The following SYT16 variants were observed in gnomAD, a reference collection of about 807,000 sequenced individuals.
SYT16 encodes synaptotagmin-16.
Under a neutral mutation model 61.4 loss-of-function variants are expected in SYT16, and 42 were observed. The ratio of observed to expected loss-of-function variants is 0.68; its 90% CI spans 0.53 to 0.89. SYT16 has a LOEUF of 0.89. Ranked by LOEUF, SYT16 falls within the 40% of genes least tolerant of loss-of-function variation. The pLI, the probability that SYT16 is intolerant of heterozygous loss-of-function variation, is 0.00. For synonymous variants in SYT16, 314 were observed against 302.3 expected, an observed-to-expected ratio of 1.04 and a Z score of -0.40; for missense variants, 804 against 807.3, an observed-to-expected ratio of 1.00 and a Z score of 0.05.
At chr14:61,857,733 G>A (rs1260848112) in intron 1 of SYT16, among the ~76,000 whole-genome samples, 1 of 152,140 alleles carries the variant, frequency 6.6e-6, no homozygotes, top group Non-Finnish European at 1.5e-5. Context: ...AGGAGAGAAA[G>A]AATTGATGGA....
At chr14:61,819,851 C>T (rs1434045213) in intron 1 of SYT16, among the ~76,000 whole-genome samples, 1 of 152,222 alleles carries the variant, frequency 6.6e-6, no homozygotes, top group African/African-American at 2.4e-5. Flanking sequence ...TTCCCGGAGG[C>T]TTTGTCTTAT....
intron 1 of SYT16, among the ~76,000 whole-genome samples, chr14:61,846,014 G>T: frequency 6.6e-6 from 1 of 152,010 alleles, no homozygotes; most frequent in East Asian, 1.9e-4. Context: ...ATTCCATTGT[G>T]GTAAGAGAAG....
At chr14:61,986,437 T>A (rs891678704) in intron 2 of SYT16, among the ~76,000 whole-genome samples, 6 of 149,770 alleles carry the variant, frequency 4.0e-5, no homozygotes, top group Admixed American at 1.3e-4. Context: ...ATTTTTTATT[T>A]AAAAAATTTA....
At chr14:61,892,700 A>G (rs1412546141) in intron 1 of SYT16, among the ~76,000 whole-genome samples, 2 of 152,160 alleles carry the variant, frequency 1.3e-5, no homozygotes, top group African/African-American at 4.8e-5. Context: ...GGGTGGTGAC[A>G]TCCCTTTCTG....
chr14:62,089,725 T>C (rs1159076455), intron 7 of SYT16, among the ~76,000 whole-genome samples: 1 of 152,222 alleles, frequency 6.6e-6, no homozygotes, highest in Non-Finnish European at 1.5e-5. Flanking sequence ...TTCAAAACTA[T>C]TGTTGCTATT....
chr14:61,913,909 A>G (rs911027388), intron 1 of SYT16, among the ~76,000 whole-genome samples: 2 of 152,190 alleles, frequency 1.3e-5, no homozygotes, highest in African/African-American at 4.8e-5. Flanking sequence ...AAGGAAAATA[A>G]TGCACACACT....
At chr14:61,876,387 A>G (rs1039831179) in intron 1 of SYT16, among the ~76,000 whole-genome samples, 1 of 152,202 alleles carries the variant, frequency 6.6e-6, no homozygotes, top group Non-Finnish European at 1.5e-5. Flanking sequence ...AACCCTGACC[A>G]TGTAATCAAG....
chr14:62,090,868 G>A (rs2057047401), intron 7 of SYT16, among the ~76,000 whole-genome samples: 2 of 152,140 alleles, frequency 1.3e-5, no homozygotes, highest in South Asian at 2.1e-4. Flanking sequence ...CAAAAGGCAT[G>A]TCTTACATGG....
At position 61,991,970 on chromosome 14, in the gene SYT16, AT is replaced by A. The variant is rs150551952; in HGVS notation, c.-144-3904del. On this transcript the variant is annotated intron_variant, in intron 2 of 7. Coordinates refer to ENST00000683842, the MANE Select transcript of SYT16 (RefSeq NM_001367656.1). ...TGTTCGTTCATTCATTCATTCATTC[AT>A]TCATTCATTCATTCATTCATGGAAC... Among the ~76,000 whole-genome samples, 375 of 152,146 alleles carry A rather than the reference AT, an allele frequency of 2.5e-3. 1 individual carries two copies. Among genetic ancestry groups the A allele is most frequent in the African/African-American group, 8.7e-3 (360 of 41,476 alleles).
intron 3 of SYT16, among the ~76,000 whole-genome samples, chr14:62,008,198 G>A (rs888429582): frequency 2.6e-5 from 4 of 151,314 alleles, no homozygotes; most frequent in Admixed American, 2.6e-4. Flanking sequence ...TTCTTCGCTG[G>A]TACCCTCTTC....
At chr14:61,872,237 A>G (rs1003709016) in intron 1 of SYT16, among the ~76,000 whole-genome samples, 1 of 152,122 alleles carries the variant, frequency 6.6e-6, no homozygotes. Context: ...GTAAATACAT[A>G]TTTTTAATTG....
chr14:62,074,495 C>T (rs552334852), intron 4 of SYT16, among the ~76,000 whole-genome samples: 20 of 152,298 alleles, frequency 1.3e-4, no homozygotes, highest in East Asian at 5.8e-4. Flanking sequence ...CTAATATTTA[C>T]GGAAGGCCTT....
At chr14:62,062,409 A>G (rs1033866080) in intron 3 of SYT16, among the ~76,000 whole-genome samples, 1 of 152,172 alleles carries the variant, frequency 6.6e-6, no homozygotes, top group African/African-American at 2.4e-5. Context: ...TGTAAAGCAT[A>G]TTAAAACAAA....
chr14:61,936,986 C>A (rs181313980), intron 1 of SYT16, among the ~76,000 whole-genome samples: 2 of 152,298 alleles, frequency 1.3e-5, no homozygotes, highest in African/African-American at 4.8e-5. Context: ...ACTAAAAATC[C>A]TCATCAGCTG....
chr14:62,006,370 T>G (rs1174817311), intron 3 of SYT16, among the ~76,000 whole-genome samples: 2 of 152,146 alleles, frequency 1.3e-5, no homozygotes, highest in African/African-American at 4.8e-5. Context: ...ATCGGTGATT[T>G]ATGTGCACGT....
intron 1 of SYT16, among the ~76,000 whole-genome samples, chr14:61,831,440 T>G (rs1206825126): frequency 2.0e-5 from 3 of 152,198 alleles, no homozygotes; most frequent in Non-Finnish European, 1.5e-5. Flanking sequence ...AATCTTAAAT[T>G]TAACCATTAT....
At chr14:61,842,031 A>C (rs2046315650) in intron 1 of SYT16, among the ~76,000 whole-genome samples, 1 of 152,154 alleles carries the variant, frequency 6.6e-6, no homozygotes, top group African/African-American at 2.4e-5. Flanking sequence ...CAGGCTTTAA[A>C]AATTAAATTT....
chr14:61,958,892 C>A (rs10131905), intron 1 of SYT16, among the ~76,000 whole-genome samples: 63,984 of 151,808 alleles, frequency 0.42, 14,077 homozygotes, highest in East Asian at 0.75. Flanking sequence ...TTTTTCACTT[C>A]AGATTTGTCA....
At chr14:62,084,458 A>G in intron 7 of SYT16, 73 bp downstream of exon 7, 2 of 1,476,212 alleles carry the variant, frequency 1.4e-6, no homozygotes, top group Non-Finnish European at 1.8e-6. Flanking sequence ...CTTTCATCTT[A>G]GTTCTTTAAT....
Sources: gnomAD v4.1 joint callset for allele counts (sites outside exome capture counted in the v4.1 genomes callset) on GRCh38, gnomAD v4.1.1 for gene constraint, MANE v1.5 for transcripts, NCBI Gene and HGNC (gene_info 2026-07-23, HGNC 2026-07-21) for gene names.